The following MMAB variants were observed in gnomAD, a reference collection of about 807,000 sequenced individuals.
MMAB encodes the protein metabolism of cobalamin associated B.
Under a neutral mutation model 30.6 loss-of-function variants are expected in MMAB, and 17 were observed. The ratio of observed to expected loss-of-function variants is 0.56; its 90% CI spans 0.38 to 0.83. The LOEUF is 0.83. Ranked by LOEUF, MMAB falls within the 40% of genes least tolerant of loss-of-function variation. MMAB has a pLI of 0.00. For synonymous variants in MMAB, 134 were observed against 138.6 expected (o/e 0.97, Z 0.23); for missense variants, 311 against 331.6 (o/e 0.94, Z 0.48).
chr12:109,556,379 T>A lies in MMAB; in HGVS notation c.*649A>T, dbSNP rs182998595. 1 of 454,080 alleles carries A rather than the reference T, an allele frequency of 2.2e-6. No individual in the cohort carries two copies. Among genetic ancestry groups the A allele is most frequent in the Non-Finnish European group, 4.4e-6 (1 of 226,790 alleles). The allele number at this position is 454,080 out of a possible 1,614,324, so 28.1% of individuals were successfully genotyped here. A position where few individuals can be genotyped will look rare whatever the true frequency, so the allele number is the denominator to read the frequency against. ...TCTCCATCCCTTTCAGAGGGGGTCC[T>A]CTAAGCTGCACCCCCATCACACACA... On this transcript the variant is annotated 3_prime_UTR_variant, in exon 9 of 9. Coordinates refer to ENST00000545712, the MANE Select transcript of MMAB (RefSeq NM_052845.4).
rs765547005 is a variant in MMAB at position 109,557,125 on chromosome 12, T to C, written c.656A>G (p.Tyr219Cys). The C allele has an allele frequency of 9.9e-6, 16 of 1,611,266 alleles. No homozygotes were observed. The African/African-American group carries it at 2.0e-4, about 20-fold the overall frequency. The change falls in exon 9 of 9, where the codon TAT (tyrosine) becomes TGT (cysteine). Residue 219 changes from tyrosine (Y) to cysteine (C), a missense_variant. Coordinates refer to ENST00000545712, the MANE Select transcript of MMAB (RefSeq NM_052845.4). ...TGCATATCTGGCTAGCGTGAAGAGA[T>C]AGTCACTGAGTCTGGAGGGGCAGAG... ...VAKFLNRLSD[Y>C]LFTLARYAAM...
intron 4 of MMAB, among the ~76,000 whole-genome samples, chr12:109,563,158 A>T (rs1334054429): frequency 1.3e-5 from 2 of 152,234 alleles, no homozygotes; most frequent in Non-Finnish European, 2.9e-5. Flanking sequence ...GCACTTTCAC[A>T]GTCAAAGCGG....
rs1883924056 is a variant in MMAB, at chr12:109,555,274, G to GGTTTTT, written c.*1748_*1753dup. 1 of 338,510 alleles carries GGTTTTT rather than the reference G, an allele frequency of 3.0e-6. No homozygotes were observed. The highest frequency in any genetic ancestry group is 5.5e-6 in the Non-Finnish European group (1 of 182,056). The allele number at this position is 338,510 out of a possible 1,614,324, so 21.0% of individuals were successfully genotyped here. On this transcript the variant is annotated 3_prime_UTR_variant, in exon 9 of 9. Coordinates refer to ENST00000545712, the MANE Select transcript of MMAB (RefSeq NM_052845.4). The stretch of plus-strand genomic sequence containing the variant: ...CGAGCCTTAGTGATTGCGTTTTCAG[G>GGTTTTT]GTTTTTTTTTTTTTTTTTTTTTTTT...
At position 109,573,487 on chromosome 12, in the gene MMAB, G is replaced by A. The variant is rs375376922; in HGVS notation, c.-7C>T. On this transcript the variant is annotated 5_prime_UTR_variant, in exon 1 of 9. Transcript: ENST00000545712. ...CCAGGCCGCACACAGCCATGAGCCA[G>A]GCTGCTTGACGGGACCTGACCCCGC... The A allele has an allele frequency of 2.3e-5, 37 of 1,599,276 alleles. No individual in the cohort carries two copies. In the African/African-American group the frequency reaches 4.3e-4, roughly 18 times the overall value.
chr12:109,560,479 G>A (rs61940466), intron 7 of MMAB, among the ~76,000 whole-genome samples: 15,468 of 152,246 alleles, frequency 0.1, 1,944 homozygotes, highest in African/African-American at 0.3. Context: ...GTCTCTGAGT[G>A]GTGTAGATAG....
At chr12:109,566,498 G>A (rs1407731015) in intron 3 of MMAB, among the ~76,000 whole-genome samples, 1 of 152,234 alleles carries the variant, frequency 6.6e-6, no homozygotes, top group Non-Finnish European at 1.5e-5. Context: ...GATGCCCCAT[G>A]CCTGCCTCAC....
At chr12:109,562,836 T>C (rs1168915929) in intron 4 of MMAB, among the ~76,000 whole-genome samples, 1 of 152,006 alleles carries the variant, frequency 6.6e-6, no homozygotes, top group Non-Finnish European at 1.5e-5. Flanking sequence ...ACAGAAGTGG[T>C]CTGTTAAGGT....
chr12:109,568,246 A>G (rs1370521037), intron 3 of MMAB: 1 of 166,772 alleles, frequency 6.0e-6, no homozygotes, highest in Non-Finnish European at 1.3e-5. Flanking sequence ...ATGGAGCCAA[A>G]GAATATACCC....
Position 109,553,904 on chromosome 12 carries a change from G to C in MMAB, c.*3124C>G, listed in dbSNP as rs1566127175. ...CCACTGACGGGGGCTTCCGAACTGG[G>C]GACGTTTGTCATTGGGATGTGTTAC... is the stretch of plus-strand genomic sequence containing the variant. On this transcript the variant is annotated 3_prime_UTR_variant, in exon 9 of 9. Transcript: ENST00000545712. 1 of 454,070 alleles carries C rather than the reference G, an allele frequency of 2.2e-6. No homozygotes were observed. Among genetic ancestry groups the C allele is most frequent in the Non-Finnish European group, 4.4e-6 (1 of 226,776 alleles). The allele number at this position is 454,070 out of a possible 1,614,324, so 28.1% of individuals were successfully genotyped here. A position where few individuals can be genotyped will look rare whatever the true frequency, so the allele number is the denominator to read the frequency against.
intron 8 of MMAB, among the ~76,000 whole-genome samples, chr12:109,557,474 A>T (rs1413080804): frequency 6.6e-6 from 1 of 152,220 alleles, no homozygotes; most frequent in East Asian, 1.9e-4. Context: ...GTGCGTGATC[A>T]GTTTGGGTGT....
rs963512766 is a variant in MMAB, at chr12:109,569,696, C to T, written c.197-833G>A. 2.6e-5 allele frequency among the ~76,000 whole-genome samples: 4 copies of T among 152,184 alleles called. No homozygotes were observed. The highest frequency in any genetic ancestry group is 7.2e-5 in the African/African-American group (3 of 41,444). ...GGCAGGCTTTGGGGTTGCCAGGTGC[C>T]GGCCTGGCACTCACAGGTAGACTGT... is the stretch of plus-strand genomic sequence containing the variant. On this transcript the variant is annotated intron_variant, in intron 2 of 8. Coordinates refer to ENST00000545712, the MANE Select transcript of MMAB (RefSeq NM_052845.4). The surrounding 1 kb of genome is among the most constrained non-coding windows in gnomAD (Gnocchi z 4.1).
In MMAB at chr12:109,561,756, C is replaced by G. The variant is rs1884215666; in HGVS notation, c.421+24G>C. ...TCCCCTGACCCTAGGGCCCTCTGAACACCCACAGGAGTTTGAGAATTACTT... is the reference window on the plus strand; with the variant it reads ...TCCCCTGACCCTAGGGCCCTCTGAAGACCCACAGGAGTTTGAGAATTACTT... On this transcript the variant is annotated intron_variant, in intron 5 of 8. Transcript: ENST00000545712. This position sits in a 1 kb window ranked among gnomAD's most constrained non-coding sequence, Gnocchi z 5.3. 1.3e-6 allele frequency: 2 copies of G among 1,593,724 alleles called. No homozygotes were observed. The highest frequency in any genetic ancestry group is 2.7e-5 in the African/African-American group (2 of 74,446).
At chr12:109,568,897 G>T (rs1884535540) in intron 2 of MMAB, 34 bp from the exon 3 acceptor site, 1 of 1,471,024 alleles carries the variant, frequency 6.8e-7, no homozygotes, top group Non-Finnish European at 9.5e-7. Flanking sequence ...CCCAAATTAA[G>T]ATTCTGTTTT....
rs191323186 is a variant in MMAB at position 109,557,365 on chromosome 12, T to C, written c.645-229A>G. ...CCAGTGTCAAGGCTGGGGCCATTCCTGCAGGATGAGGCCATTGCCCCGGCC... is the reference window on the plus strand; with the variant it reads ...CCAGTGTCAAGGCTGGGGCCATTCCCGCAGGATGAGGCCATTGCCCCGGCC... On this transcript the variant is annotated intron_variant, in intron 8 of 8. Coordinates refer to ENST00000545712, the MANE Select transcript of MMAB (RefSeq NM_052845.4). 1.6e-4 allele frequency among the ~76,000 whole-genome samples: 25 copies of C among 152,366 alleles called. 1 individual carries two copies. The highest frequency in any genetic ancestry group is 6.0e-4 in the African/African-American group (25 of 41,588).
In MMAB at chr12:109,555,836, A is replaced by T. The variant is rs1179693862; in HGVS notation, c.*1192T>A. 1 of 453,948 alleles carries T rather than the reference A, an allele frequency of 2.2e-6. No homozygotes were observed. Among genetic ancestry groups the T allele is most frequent in the Non-Finnish European group, 4.4e-6 (1 of 226,764 alleles). The allele number at this position is 453,948 out of a possible 1,614,324, so 28.1% of individuals were successfully genotyped here. A position where few individuals can be genotyped will look rare whatever the true frequency, so the allele number is the denominator to read the frequency against. On this transcript the variant is annotated 3_prime_UTR_variant, in exon 9 of 9. Coordinates refer to ENST00000545712, the MANE Select transcript of MMAB (RefSeq NM_052845.4). ...TGAAGGCAAAAATATGCACGTGACT[A>T]AGAAGGTAATGTTTGCTGACTTGCC...
intron 3 of MMAB, 150 bp from the exon 4 acceptor site, chr12:109,565,326 T>C (rs1884380030): frequency 9.9e-6 from 7 of 709,612 alleles, no homozygotes; most frequent in South Asian, 3.0e-5. Context: ...AAGAACATTA[T>C]AGCCTTCCAT....
rs1329690721 is a variant in MMAB, at chr12:109,555,992, AGCCTGCCCTTCCAAAGTCATTTCCT to A, written c.*1011_*1035del. 1 of 454,032 alleles carries A rather than the reference AGCCTGCCCTTCCAAAGTCATTTCCT, an allele frequency of 2.2e-6. No homozygotes were observed. The highest frequency in any genetic ancestry group is 4.4e-6 in the Non-Finnish European group (1 of 226,746). 28.1% of individuals were successfully genotyped at this position (454,032 alleles called of 1,614,324 possible). ...CATTTCAGCCCTGAAACTGGACAAG[AGCCTGCCCTTCCAAAGTCATTTCCT>A]GCAATTAGCAGCCTGCAGTCTTTAG... is the stretch of plus-strand genomic sequence containing the variant. On this transcript the variant is annotated 3_prime_UTR_variant, in exon 9 of 9. Coordinates refer to ENST00000545712, the MANE Select transcript of MMAB (RefSeq NM_052845.4).
Sources: allele counts gnomAD v4.1 joint callset (sites outside exome capture counted in the v4.1 genomes callset), GRCh38; gene constraint gnomAD v4.1.1; non-coding constraint Gnocchi (gnomAD v3.1); transcripts MANE v1.5; gene names NCBI Gene and HGNC (gene_info 2026-07-23, HGNC 2026-07-21).